The following MTMR11 variants were observed in gnomAD, a reference collection of about 807,000 sequenced individuals.
The protein encoded by MTMR11 is myotubularin related protein 11.
Under a neutral mutation model 100.0 loss-of-function variants are expected in MTMR11, and 89 were observed. That is an observed-to-expected ratio of 0.89 (90% CI 0.75 to 1.06). MTMR11 has a LOEUF of 1.06. Among genes scored for constraint, MTMR11 ranks in the 50% least tolerant of loss-of-function variants. The probability of loss-of-function intolerance (pLI) is 0.00; values close to 1 mark genes in which losing one functional copy is unlikely to be tolerated. For synonymous variants in MTMR11, 336 were observed against 326.3 expected (o/e 1.03, Z -0.32); for missense variants, 809 against 873.7 (o/e 0.93, Z 0.93).
In MTMR11 at chr1:149,933,942, G is replaced by C. The variant is rs2092693018; in HGVS notation, c.684C>G (p.Ser228Arg). Reference protein sequence around the residue: ...TVNERFDVATSLPRYFWVPNR... With the variant: ...TVNERFDVATRLPRYFWVPNR... Reference sequence around the variant, plus strand: ...TAGGGACCCAGAAGTAACGGGGGAGGCTGTGAAATGAGAGTGATATTACAG... The same window carrying C: ...TAGGGACCCAGAAGTAACGGGGGAGCCTGTGAAATGAGAGTGATATTACAG... The change falls in exon 8 of 17, where the codon AGC (serine) becomes AGG (arginine). Residue 228 changes from serine (S) to arginine (R), a missense_variant and splice_region_variant. By Grantham distance (110) the Ser-to-Arg change is moderately radical (BLOSUM62 -1). Coordinates refer to ENST00000439741, the MANE Select transcript of MTMR11 (RefSeq NM_001145862.2). 2 of 1,613,294 alleles carry C rather than the reference G, an allele frequency of 1.2e-6. No homozygotes were observed. Among genetic ancestry groups the C allele is most frequent in the Admixed American group, 3.3e-5 (2 of 60,022 alleles).
In MTMR11 at chr1:149,935,299, C is replaced by T. The variant is rs782145518; in HGVS notation, c.325G>A (p.Val109Met). ...TTCACCAAACCCCCCCCCAACTTACCAGCCTCTAATCGTCCAATGTTGACC... is the reference window on the plus strand; with the variant it reads ...TTCACCAAACCCCCCCCCAACTTACTAGCCTCTAATCGTCCAATGTTGACC... ...ALVNIGRLEA[V>M]SGLSRVQLLR... Residue 109 changes from valine (V) to methionine (M), a missense_variant and splice_region_variant, in exon 4 of 17, where the codon GTG becomes ATG. Physicochemically the swap from Val to Met is conservative, Grantham distance 21. Transcript: ENST00000439741. 13 of 1,613,642 alleles carry T rather than the reference C, an allele frequency of 8.1e-6. No individual in the cohort carries two copies. The highest frequency in any genetic ancestry group is 1.1e-5 in the South Asian group (1 of 91,046).
chr1:149,929,879 C>T lies in MTMR11; in HGVS notation c.1685G>A (p.Trp562Ter), dbSNP rs782680429. The T allele has an allele frequency of 2.2e-5, 35 of 1,613,986 alleles. No homozygotes were observed. Among genetic ancestry groups the T allele is most frequent in the Non-Finnish European group, 2.7e-5 (32 of 1,180,006 alleles). The change falls in exon 16 of 17, where the codon TGG becomes TAG. Residue 562 changes from tryptophan (W) to a stop codon, truncating the protein, a stop_gained. Coordinates refer to ENST00000439741, the MANE Select transcript of MTMR11 (RefSeq NM_001145862.2). LOFTEE classifies it high-confidence loss of function. ...GGTCAATGCTCCTCTAGAGAAGAGCCACACAGAACTGGGGGGTCCAGGAAC... is the reference window on the plus strand; with the variant it reads ...GGTCAATGCTCCTCTAGAGAAGAGCTACACAGAACTGGGGGGTCCAGGAAC... ...FMVPGPPSSV[W>*]LFSRGALTPL...
chr1:149,930,291 C>A, intron 15 of MTMR11, 74 bp downstream of exon 15: 1 of 1,432,464 alleles, frequency 7.0e-7, no homozygotes, highest in Admixed American at 2.1e-5. Flanking sequence ...GACATTTTGT[C>A]TTTCACTTCT....
chr1:149,929,372 T>G (rs1214812984), intron 16 of MTMR11, 55 bp from the exon 17 acceptor site: 1 of 1,461,462 alleles, frequency 6.8e-7, no homozygotes, highest in Non-Finnish European at 9.5e-7. Flanking sequence ...TCTGGCCCCC[T>G]GCTTCTCTGC....
At chr1:149,932,196 A>G in intron 11 of MTMR11, 68 bp downstream of exon 11, 2 of 1,528,026 alleles carry the variant, frequency 1.3e-6, no homozygotes, top group Non-Finnish European at 1.8e-6. Flanking sequence ...GCCATTTAGG[A>G]CCCCAAGTTA....
chr1:149,928,824 C>T lies in MTMR11; in HGVS notation c.*305G>A, dbSNP rs1553766599. 1 of 1,570,224 alleles carries T rather than the reference C, an allele frequency of 6.4e-7. No individual in the cohort carries two copies. The highest frequency in any genetic ancestry group is 1.1e-5 in the South Asian group (1 of 89,908). On this transcript the variant is annotated 3_prime_UTR_variant, in exon 17 of 17. Transcript: ENST00000439741. Reference sequence around the variant, plus strand: ...GCGAGGTGAGAATGCGATTTCTAGGCCATCTTGTTGGGACTGATGAACAGC... The same window carrying T: ...GCGAGGTGAGAATGCGATTTCTAGGTCATCTTGTTGGGACTGATGAACAGC...
chr1:149,932,211 A>T, intron 11 of MTMR11, 53 bp downstream of exon 11: 2 of 1,565,106 alleles, frequency 1.3e-6, no homozygotes, highest in South Asian at 2.2e-5. Context: ...AAGTTAACAG[A>T]AGGTTGAGGA....
At chr1:149,929,522 G>C in intron 16 of MTMR11, 101 bp downstream of exon 16, 1 of 1,398,148 alleles carries the variant, frequency 7.2e-7, no homozygotes, top group Non-Finnish European at 9.7e-7. Flanking sequence ...TCACTTCCCA[G>C]ACTCCCAGAG....
chr1:149,930,670 G>A, intron 14 of MTMR11, 122 bp downstream of exon 14: 1 of 1,364,796 alleles, frequency 7.3e-7, no homozygotes, highest in Non-Finnish European at 1.0e-6. Context: ...TCCTGAAAAT[G>A]AGAATAAATC....
At chr1:149,931,637 T>G in intron 12 of MTMR11, 1 of 586,422 alleles carries the variant, frequency 1.7e-6, no homozygotes, top group South Asian at 2.3e-5. Context: ...AAATACCCAG[T>G]TTCACATGTA....
At chr1:149,929,997 C>T (rs1559803025) in intron 15 of MTMR11, 81 bp from the exon 16 acceptor site, 2 of 1,397,582 alleles carry the variant, frequency 1.4e-6, no homozygotes, top group Non-Finnish European at 1.9e-6. Context: ...ACAGGGTGTC[C>T]TGCTGCCACC....
rs1252147332 is a variant in MTMR11, at chr1:149,929,891, G to A, written c.1673C>T (p.Pro558Leu). ...PQPSFMVPGP[P>L]SSVWLFSRGA... ...TCTAGAGAAGAGCCACACAGAACTG[G>A]GGGGTCCAGGAACCATGAAGCTTGG... Residue 558 changes from proline (P) to leucine (L), a missense_variant, in exon 16 of 17, where the codon CCC (proline) becomes CTC (leucine). Coordinates refer to ENST00000439741, the MANE Select transcript of MTMR11 (RefSeq NM_001145862.2). 1 of 1,613,278 alleles carries A rather than the reference G, an allele frequency of 6.2e-7. No individual in the cohort carries two copies.
In MTMR11 at chr1:149,929,990, G is replaced by A. The variant is rs781926748; in HGVS notation, c.1648-74C>T. ...AGTTTCCCCAATCTGGATCAGGACA[G>A]GGTGTCCTGCTGCCACCCACTCACT... On this transcript the variant is annotated intron_variant, in intron 15 of 16. Transcript: ENST00000439741. 8.1e-5 allele frequency: 118 copies of A among 1,452,232 alleles called. No individual in the cohort carries two copies. In the African/African-American group the frequency reaches 1.5e-3, roughly 19 times the overall value. 90.0% of individuals were successfully genotyped at this position (1,452,232 alleles called of 1,614,324 possible). A position where few individuals can be genotyped will look rare whatever the true frequency, so the allele number is the denominator to read the frequency against.
At chr1:149,930,204 G>C in intron 15 of MTMR11, 161 bp downstream of exon 15, 1 of 792,048 alleles carries the variant, frequency 1.3e-6, no homozygotes, top group South Asian at 1.9e-5. Flanking sequence ...TAGGTCTTCT[G>C]TCTTCCTAGG....
chr1:149,935,713 G>A lies in MTMR11; in HGVS notation c.143-8C>T. On this transcript the variant is annotated splice_polypyrimidine_tract_variant and splice_region_variant and intron_variant, in intron 2 of 16. Transcript: ENST00000439741. ...ATGCTAGGATCTGCTCCCCTAAAGGGGAAGAAGGGAAGCCCTGTTATGACT... is the reference window on the plus strand; with the variant it reads ...ATGCTAGGATCTGCTCCCCTAAAGGAGAAGAAGGGAAGCCCTGTTATGACT... 6.3e-7 allele frequency: 1 copy of A among 1,583,432 alleles called. No homozygotes were observed. The highest frequency in any genetic ancestry group is 1.4e-5 in the African/African-American group (1 of 73,974).
intron 16 of MTMR11, 94 bp from the exon 17 acceptor site, chr1:149,929,411 C>G (rs2092624955): frequency 1.5e-6 from 2 of 1,305,260 alleles, no homozygotes; most frequent in South Asian, 2.7e-5. Context: ...TTCTGTTTCC[C>G]CTTTCAGCTA....
rs1321530773 is a variant in MTMR11 at position 149,929,936 on chromosome 1, A to C, written c.1648-20T>G. On this transcript the variant is annotated intron_variant, in intron 15 of 16. Coordinates refer to ENST00000439741, the MANE Select transcript of MTMR11 (RefSeq NM_001145862.2). ...GCTTGGCTAAAAGGAAAAGAAAATCAACTGGCAACAGAGAGACCAGATAAC... is the reference window on the plus strand; with the variant it reads ...GCTTGGCTAAAAGGAAAAGAAAATCCACTGGCAACAGAGAGACCAGATAAC... 1.8e-5 allele frequency: 29 copies of C among 1,600,920 alleles called. No homozygotes were observed. The highest frequency in any genetic ancestry group is 2.3e-5 in the Non-Finnish European group (27 of 1,172,656).
At chr1:149,932,062 G>A in intron 11 of MTMR11, 48 bp from the exon 12 acceptor site, 1 of 1,545,686 alleles carries the variant, frequency 6.5e-7, no homozygotes, top group Non-Finnish European at 8.9e-7. Context: ...AAGCCTAGGG[G>A]AATGGAGTGA....
At position 149,929,510 on chromosome 1, in the gene MTMR11, C is replaced by T. The variant is rs1260922205; in HGVS notation, c.1941+113G>A. On this transcript the variant is annotated intron_variant, in intron 16 of 16. Transcript: ENST00000439741. The stretch of plus-strand genomic sequence containing the variant: ...TTGTTTGATGCCAAGAGGAGTAGAA[C>T]TTCACTTCCCAGACTCCCAGAGGCT... 8 of 1,356,326 alleles carry T rather than the reference C, an allele frequency of 5.9e-6. No homozygotes were observed. The South Asian group carries it at 7.0e-5, about 12-fold the overall frequency. 84.0% of individuals were successfully genotyped at this position (1,356,326 alleles called of 1,614,324 possible).
Sources: allele counts gnomAD v4.1 joint callset, GRCh38; gene constraint gnomAD v4.1.1; transcripts MANE v1.5; gene names NCBI Gene and HGNC (gene_info 2026-07-23, HGNC 2026-07-21).